MARCHF3: variants seen among roughly 807,000 people sequenced by gnomAD.
The protein encoded by MARCHF3 is membrane associated ring-CH-type finger 3.
In MARCHF3, 13 loss-of-function variants were observed where a neutral mutation model predicts 24.2. That is an observed-to-expected ratio of 0.54 (90% CI 0.35 to 0.85). The LOEUF is 0.85. Among genes scored for constraint, MARCHF3 ranks in the 40% least tolerant of loss-of-function variants. MARCHF3 has a pLI of 0.01. For synonymous variants in MARCHF3, 144 were observed against 137.3 expected (o/e 1.05, Z -0.34); for missense variants, 276 against 325.0 (o/e 0.85, Z 1.16).
At chr5:127,012,081 G>A (rs1752491934) in intron 1 of MARCHF3, among the ~76,000 whole-genome samples, 1 of 152,182 alleles carries the variant, frequency 6.6e-6, no homozygotes, top group Admixed American at 6.6e-5. Context: ...TCTTAGCTGT[G>A]ACATTTCCTG....
chr5:126,917,865 C>A, intron 2 of MARCHF3, 119 bp downstream of exon 2: 1 of 953,452 alleles, frequency 1.0e-6, no homozygotes, highest in Non-Finnish European at 1.5e-6. Flanking sequence ...TTTTTTCCAG[C>A]ACCTCCTCTC....
chr5:126,999,640 G>T (rs1310768807), intron 1 of MARCHF3, among the ~76,000 whole-genome samples: 1 of 152,194 alleles, frequency 6.6e-6, no homozygotes, highest in Non-Finnish European at 1.5e-5. Flanking sequence ...CCACTTTAGG[G>T]GGGCAGAGAG....
intron 3 of MARCHF3, among the ~76,000 whole-genome samples, chr5:126,884,194 T>C (rs1414028370): frequency 6.6e-6 from 1 of 152,166 alleles, no homozygotes; most frequent in African/African-American, 2.4e-5. Flanking sequence ...AAATTGAAGA[T>C]GAAAGTTGAA....
chr5:126,992,338 G>T (rs767311244), intron 1 of MARCHF3, among the ~76,000 whole-genome samples: 26 of 152,164 alleles, frequency 1.7e-4, no homozygotes, highest in Non-Finnish European at 3.5e-4. Context: ...GATGCTGCAA[G>T]CTCCTTCCAT....
intron 1 of MARCHF3, among the ~76,000 whole-genome samples, chr5:126,996,449 C>G (rs1018788617): frequency 2.6e-5 from 4 of 151,928 alleles, no homozygotes; most frequent in Non-Finnish European, 4.4e-5. Context: ...TTTGTGTTGT[C>G]CATTAAAGCA....
intron 3 of MARCHF3, among the ~76,000 whole-genome samples, chr5:126,889,892 G>C (rs1367071636): frequency 6.6e-6 from 1 of 152,122 alleles, no homozygotes; most frequent in Non-Finnish European, 1.5e-5. Flanking sequence ...TAAGTAATTT[G>C]GAATGTGTGA....
At chr5:126,928,108 T>A (rs1374110573) in intron 1 of MARCHF3, among the ~76,000 whole-genome samples, 2 of 152,196 alleles carry the variant, frequency 1.3e-5, no homozygotes, top group Non-Finnish European at 2.9e-5. Context: ...CTTTACTGCC[T>A]TCTAGGGTGA....
At chr5:127,025,323 AAAG>A (rs542637076) in intron 1 of MARCHF3, among the ~76,000 whole-genome samples, 7,685 of 148,596 alleles carry the variant, frequency 0.052, 319 homozygotes, top group African/African-American at 0.13. Context: ...AAAAAAAAAA[AAAG>A]AAAGAAACTA....
At chr5:126,939,683 A>G (rs1009623646) in intron 1 of MARCHF3, among the ~76,000 whole-genome samples, 3 of 152,242 alleles carry the variant, frequency 2.0e-5, no homozygotes, top group African/African-American at 7.2e-5. Context: ...TGTTATTTAC[A>G]GTAGTTATGT....
chr5:126,941,425 A>T (rs1749825308), intron 1 of MARCHF3, among the ~76,000 whole-genome samples: 1 of 150,510 alleles, frequency 6.6e-6, no homozygotes, highest in Non-Finnish European at 1.5e-5. Flanking sequence ...TCTTGACACC[A>T]TCCATCCAAC....
At chr5:127,023,741 T>TAAAA in intron 1 of MARCHF3, among the ~76,000 whole-genome samples, 1 of 53,974 alleles carries the variant, frequency 1.9e-5, no homozygotes, top group Admixed American at 1.9e-4. Flanking sequence ...AAAAAATAAA[T>TAAAA]AAATAAATAA....
intron 3 of MARCHF3, among the ~76,000 whole-genome samples, chr5:126,890,608 G>C (rs1348340086): frequency 1.3e-5 from 2 of 151,812 alleles, no homozygotes; most frequent in East Asian, 3.9e-4. Flanking sequence ...CCCTACAAAG[G>C]GCATGAACTC....
chr5:126,918,159 G>T lies in MARCHF3; in HGVS notation c.13C>A (p.Arg5Ser), dbSNP rs753158441. Reference protein sequence around the residue: MTTSRCSHLPEVLPD... With the variant: MTTSSCSHLPEVLPD... ...AGGACTTCGGGCAGGTGACTGCAGC[G>T]GCTGGTTGTCATGGTAACAGACAGC... Residue 5 changes from arginine to serine, a missense_variant, in exon 2 of 5, where the codon CGC becomes AGC. Transcript: ENST00000308660. The T allele has an allele frequency of 3.1e-6, 5 of 1,613,304 alleles. No homozygotes were observed. The East Asian group carries it at 1.1e-4, about 36-fold the overall frequency.
At chr5:126,898,973 A>G (rs1251360336) in intron 3 of MARCHF3, 1 of 985,246 alleles carries the variant, frequency 1.0e-6, no homozygotes, top group Non-Finnish European at 1.2e-6. Context: ...TTAGTATCCA[A>G]ACTAAAAGCT....
chr5:126,998,689 C>T (rs145362388), intron 1 of MARCHF3, among the ~76,000 whole-genome samples: 2,880 of 152,214 alleles, frequency 0.019, 36 homozygotes, highest in Non-Finnish European at 0.027. Flanking sequence ...TCCCAGGTAG[C>T]CCACAGATGT....
At chr5:126,908,016 G>A (rs1045738733) in intron 3 of MARCHF3, among the ~76,000 whole-genome samples, 35 of 151,914 alleles carry the variant, frequency 2.3e-4, no homozygotes, top group Non-Finnish European at 4.9e-4. Flanking sequence ...GGCAGGCCTG[G>A]TGGTGACAAA....
chr5:126,977,942 G>C (rs1751259725), intron 1 of MARCHF3, among the ~76,000 whole-genome samples: 1 of 152,206 alleles, frequency 6.6e-6, no homozygotes, highest in Non-Finnish European at 1.5e-5. Context: ...ATTCAAGGCA[G>C]TATTAAGTAA....
chr5:127,003,173 G>A (rs1752185027), intron 1 of MARCHF3, among the ~76,000 whole-genome samples: 1 of 146,702 alleles, frequency 6.8e-6, no homozygotes, highest in East Asian at 1.9e-4. Context: ...TAAGTGCGGT[G>A]TGAAACTAGA....
chr5:126,877,982 C>T (rs1440676650), intron 4 of MARCHF3, among the ~76,000 whole-genome samples: 9 of 151,970 alleles, frequency 5.9e-5, no homozygotes, highest in South Asian at 2.1e-4. Context: ...TTATGTGATC[C>T]GCCTTAGCAG....
Sources: gnomAD v4.1 joint callset for allele counts (sites outside exome capture counted in the v4.1 genomes callset) on GRCh38, gnomAD v4.1.1 for gene constraint, MANE v1.5 for transcripts, NCBI Gene and HGNC (gene_info 2026-07-23, HGNC 2026-07-21) for gene names.